MARCHF1: variants seen among roughly 807,000 people sequenced by gnomAD.
MARCHF1 encodes the protein E3 ubiquitin-protein ligase MARCHF1.
Under a neutral mutation model 54.2 loss-of-function variants are expected in MARCHF1, and 40 were observed. The observed-to-expected ratio is 0.74, with a 90% CI of 0.57 to 0.96. The LOEUF (loss-of-function observed/expected upper bound fraction) is 0.96. Ranked by LOEUF, MARCHF1 falls within the 40% of genes least tolerant of loss-of-function variation. The pLI is 0.00. For synonymous variants in MARCHF1, 236 were observed against 236.3 expected, an observed-to-expected ratio of 1.00 and a Z score of 0.01; for missense variants, 586 against 656.5, an observed-to-expected ratio of 0.89 and a Z score of 1.17.
intron 1 of MARCHF1, among the ~76,000 whole-genome samples, chr4:164,220,253 T>TATATATACA (rs1732054979): frequency 6.7e-6 from 1 of 148,174 alleles, no homozygotes; most frequent in Admixed American, 6.9e-5. Context: ...CACACATACG[T>TATATATACA]ATATATACAC....
chr4:163,601,176 G>A (rs1740951534), intron 7 of MARCHF1, among the ~76,000 whole-genome samples: 1 of 152,138 alleles, frequency 6.6e-6, no homozygotes, highest in Non-Finnish European at 1.5e-5. Context: ...TAGGGAAGAT[G>A]AGAACCTAAC....
intron 3 of MARCHF1, among the ~76,000 whole-genome samples, chr4:163,986,521 T>C (rs1560849441): frequency 2.0e-5 from 3 of 151,984 alleles, no homozygotes; most frequent in Admixed American, 1.3e-4. Context: ...CGCCTCGGCC[T>C]CCCAAAGTGC....
chr4:163,741,743 A>G (rs1193771821), intron 4 of MARCHF1, among the ~76,000 whole-genome samples: 1 of 152,078 alleles, frequency 6.6e-6, no homozygotes, highest in African/African-American at 2.4e-5. Context: ...TGAAATAGAG[A>G]GGATAAGGAG....
intron 1 of MARCHF1, chr4:164,197,846 A>G (rs200040978): frequency 1.4e-6 from 2 of 1,424,740 alleles, no homozygotes; most frequent in East Asian, 5.0e-5. Context: ...AATATTTACA[A>G]ATATTATAAT....
intron 1 of MARCHF1, chr4:164,197,579 C>G: frequency 6.2e-7 from 1 of 1,613,248 alleles, no homozygotes; most frequent in South Asian, 1.1e-5. Flanking sequence ...CTTAAGAATT[C>G]CAGTTCTTCA....
chr4:164,158,628 G>C (rs1730148512), intron 1 of MARCHF1, among the ~76,000 whole-genome samples: 1 of 152,068 alleles, frequency 6.6e-6, no homozygotes, highest in Non-Finnish European at 1.5e-5. Context: ...GTGACAGAGT[G>C]AGACTCCATC....
At chr4:163,848,460 T>A (rs73868903) in intron 4 of MARCHF1, among the ~76,000 whole-genome samples, 6,040 of 152,294 alleles carry the variant, frequency 0.04, 277 homozygotes, top group African/African-American at 0.1. Flanking sequence ...GACATTTTTT[T>A]AATCTTCTTG....
chr4:164,274,536 T>C (rs535271270), intron 1 of MARCHF1, among the ~76,000 whole-genome samples: 43 of 152,032 alleles, frequency 2.8e-4, no homozygotes, highest in Non-Finnish European at 5.3e-4. Context: ...CATTTCCAAA[T>C]TCCCCAGTGT....
chr4:164,112,375 T>C (rs1247668474), intron 1 of MARCHF1, among the ~76,000 whole-genome samples: 1 of 151,926 alleles, frequency 6.6e-6, no homozygotes, highest in African/African-American at 2.4e-5. Context: ...AGGATACAAT[T>C]GTGTGTATAA....
intron 1 of MARCHF1, among the ~76,000 whole-genome samples, chr4:164,179,407 TG>T (rs1264953449): frequency 1.3e-4 from 18 of 139,034 alleles, no homozygotes; most frequent in African/African-American, 4.9e-4. Context: ...ATGTAATACT[TG>T]AACAAACAAA....
chr4:164,142,922 GA>G (rs1756587823), intron 1 of MARCHF1, among the ~76,000 whole-genome samples: 3 of 151,954 alleles, frequency 2.0e-5, no homozygotes, highest in Non-Finnish European at 2.9e-5. Flanking sequence ...TGAAAACTTT[GA>G]AAAAAATTTA....
rs760683696 is a variant in MARCHF1, at chr4:163,545,751, C to T, written c.1192-8G>A. ...CATCTGTAGTTTCTCCCACTGCAAT[C>T]AGAAATGAAGGACACAAAACTGAAT... On this transcript the variant is annotated splice_polypyrimidine_tract_variant and splice_region_variant and intron_variant, in intron 8 of 9. Transcript: ENST00000514618. 3.7e-6 allele frequency: 6 copies of T among 1,612,372 alleles called. No homozygotes were observed. Among genetic ancestry groups the T allele is most frequent in the Non-Finnish European group, 4.2e-6 (5 of 1,179,456 alleles).
chr4:163,677,834 A>G (rs960555449), intron 5 of MARCHF1, among the ~76,000 whole-genome samples: 3 of 152,242 alleles, frequency 2.0e-5, no homozygotes, highest in African/African-American at 7.2e-5. Flanking sequence ...TGGCAGAGGA[A>G]AAGATGTAGC....
At chr4:163,817,289 ATACATATACATACATACATATATATG>A (rs1748559731) in intron 4 of MARCHF1, among the ~76,000 whole-genome samples, 1 of 148,088 alleles carries the variant, frequency 6.8e-6, no homozygotes, top group African/African-American at 2.6e-5. Flanking sequence ...GTTTGTGTGT[ATACATATACATACATACATATATATG>A]TACATATACA....
intron 4 of MARCHF1, among the ~76,000 whole-genome samples, chr4:163,841,607 T>A (rs1462716711): frequency 3.3e-5 from 5 of 152,092 alleles, no homozygotes; most frequent in African/African-American, 1.2e-4. Flanking sequence ...GAGGCAGTAA[T>A]AACATCAGCA....
intron 2 of MARCHF1, among the ~76,000 whole-genome samples, chr4:164,027,697 A>G (rs1753800363): frequency 6.6e-6 from 1 of 152,002 alleles, no homozygotes; most frequent in African/African-American, 2.4e-5. Flanking sequence ...TTGGCAAATA[A>G]TGTTTGGCTA....
intron 1 of MARCHF1, among the ~76,000 whole-genome samples, chr4:164,352,583 G>C (rs1730382378): frequency 6.7e-6 from 1 of 148,820 alleles, no homozygotes; most frequent in Non-Finnish European, 1.5e-5. Context: ...TCACCACCAG[G>C]CCTGCCCTAA....
At chr4:164,100,712 T>G (rs768079985) in intron 2 of MARCHF1, among the ~76,000 whole-genome samples, 2 of 152,156 alleles carry the variant, frequency 1.3e-5, no homozygotes, top group African/African-American at 2.4e-5. Flanking sequence ...CTGCTGGAGA[T>G]AGTTGATAGT....
chr4:164,242,020 T>A (rs1732779343), intron 1 of MARCHF1, among the ~76,000 whole-genome samples: 2 of 151,918 alleles, frequency 1.3e-5, no homozygotes, highest in African/African-American at 2.4e-5. Context: ...CAGTCTGAGA[T>A]CAAACTGCAA....
Sources: gnomAD v4.1 joint callset for allele counts (sites outside exome capture counted in the v4.1 genomes callset) on GRCh38, gnomAD v4.1.1 for gene constraint, MANE v1.5 for transcripts, NCBI Gene and HGNC (gene_info 2026-07-23, HGNC 2026-07-21) for gene names.